Variants in PYROXD2 observed in about 807,000 individuals in gnomAD.
PYROXD2 encodes pyridine nucleotide-disulphide oxidoreductase domain 2, also known as pyridine nucleotide-disulfide oxidoreductase domain-containing protein 2.
A neutral mutation model predicts 71.1 loss-of-function variants in PYROXD2; 69 were observed. The observed-to-expected ratio is 0.97, with a 90% CI of 0.80 to 1.19. The LOEUF is 1.19. Among genes scored for constraint, PYROXD2 ranks in the 50% most tolerant of loss-of-function variants. The pLI is 0.00. For missense variants in PYROXD2, 745 were observed against 748.9 expected (o/e 0.99, Z 0.06); for synonymous variants, 287 against 302.7 (o/e 0.95, Z 0.54).
chr10:98,402,036 A>G (rs948706726), intron 4 of PYROXD2, among the ~76,000 whole-genome samples: 2 of 152,202 alleles, frequency 1.3e-5, no homozygotes, highest in African/African-American at 4.8e-5. Context: ...CTTTTTGACA[A>G]CTGGCCACAC....
rs1276500885 is a variant in PYROXD2 at position 98,395,499 on chromosome 10, A to G, written c.626-47T>C. 2.6e-6 allele frequency: 4 copies of G among 1,547,966 alleles called. No individual in the cohort carries two copies. The East Asian group carries it at 9.0e-5, about 35-fold the overall frequency. ...ACAGAAGTTGAAACAGGTGACAGGGAAACCCTCCGACCTGGCCTGGGGGAT... is the reference window on the plus strand; with the variant it reads ...ACAGAAGTTGAAACAGGTGACAGGGGAACCCTCCGACCTGGCCTGGGGGAT... On this transcript the variant is annotated intron_variant, in intron 6 of 15. Transcript: ENST00000370575.
chr10:98,387,624 GTTTTTTTTTTT>G (rs550769911), intron 13 of PYROXD2, among the ~76,000 whole-genome samples: 7,170 of 112,956 alleles, frequency 0.063, 200 homozygotes, highest in East Asian at 0.14. Context: ...TTCTCAAGCT[GTTTTTTTTTTT>G]TTTTTTTTTT....
chr10:98,407,749 T>G (rs1843654059), intron 3 of PYROXD2, 94 bp from the exon 4 acceptor site: 1 of 1,261,520 alleles, frequency 7.9e-7, no homozygotes, highest in African/African-American at 2.5e-5. Context: ...TCACCAGGGG[T>G]CAGCAGGGAT....
At chr10:98,402,112 C>T (rs1214968835) in intron 4 of PYROXD2, among the ~76,000 whole-genome samples, 6 of 152,106 alleles carry the variant, frequency 3.9e-5, no homozygotes, top group Non-Finnish European at 1.5e-5. Context: ...CGCTAGGGGA[C>T]GGGAATTTTT....
intron 8 of PYROXD2, among the ~76,000 whole-genome samples, chr10:98,394,161 T>G (rs189654296): frequency 6.6e-6 from 1 of 152,264 alleles, no homozygotes; most frequent in Non-Finnish European, 1.5e-5. Flanking sequence ...CACTACCGTA[T>G]CCCCAGCACC....
chr10:98,392,282 C>T (rs145739789), intron 10 of PYROXD2, 150 bp downstream of exon 10: 8 of 1,308,224 alleles, frequency 6.1e-6, no homozygotes, highest in African/African-American at 5.9e-5. Context: ...TCCCCGTTTG[C>T]TACCTGCCCT....
Position 98,388,376 on chromosome 10 carries a change from C to T in PYROXD2, c.1425G>A (p.Glu475=), listed in dbSNP as rs764112886. 6 of 1,613,862 alleles carry T rather than the reference C, an allele frequency of 3.7e-6. No homozygotes were observed. Among genetic ancestry groups the T allele is most frequent in the Admixed American group, 3.3e-5 (2 of 59,996 alleles). Residue 475 remains glutamate, a synonymous_variant, in exon 13 of 16, where the codon GAG becomes GAA. Coordinates refer to ENST00000370575, the MANE Select transcript of PYROXD2 (RefSeq NM_032709.3). ...TACCTCTGTCTGCATAAGCGTCTCTCTCCTGCTCGTCCCAGGCCTTGCCTC... is the reference window on the plus strand; with the variant it reads ...TACCTCTGTCTGCATAAGCGTCTCTTTCCTGCTCGTCCCAGGCCTTGCCTC... The part of the protein sequence containing the change: ...LAGGKAWDEQ[E]RDAYADRVFD...
rs780517837 is a variant in PYROXD2 at position 98,388,385 on chromosome 10, G to A, written c.1416C>T (p.Asp472=). 8.7e-6 allele frequency: 14 copies of A among 1,613,778 alleles called. No individual in the cohort carries two copies. The highest frequency in any genetic ancestry group is 2.2e-5 in the South Asian group (2 of 90,988). ...PYTLAGGKAW[D]EQERDAYADR... ...CTGCATAAGCGTCTCTCTCCTGCTC[G>A]TCCCAGGCCTTGCCTCCAGCCAGCG... Residue 472 remains aspartate, a synonymous_variant, in exon 13 of 16, where the codon GAC becomes GAT. Transcript: ENST00000370575.
chr10:98,408,636 T>C (rs1203450780), intron 2 of PYROXD2, among the ~76,000 whole-genome samples: 1 of 152,228 alleles, frequency 6.6e-6, no homozygotes, highest in Non-Finnish European at 1.5e-5. Context: ...CAGAGCTTTA[T>C]TTTGGGAGAA....
intron 4 of PYROXD2, among the ~76,000 whole-genome samples, chr10:98,404,052 G>A (rs1843511763): frequency 6.6e-6 from 1 of 152,172 alleles, no homozygotes; most frequent in Non-Finnish European, 1.5e-5. Flanking sequence ...ATTCTTAATG[G>A]TGTTAAATCA....
intron 5 of PYROXD2, among the ~76,000 whole-genome samples, chr10:98,397,703 G>A (rs924329019): frequency 2.0e-5 from 3 of 152,102 alleles, no homozygotes; most frequent in African/African-American, 7.2e-5. Context: ...GTGGGGTGGT[G>A]GTGGTCAGGA....
intron 2 of PYROXD2, among the ~76,000 whole-genome samples, chr10:98,410,002 C>T (rs1033688485): frequency 1.3e-5 from 2 of 151,956 alleles, no homozygotes; most frequent in African/African-American, 2.4e-5. Context: ...TGCTTGAACC[C>T]GGGAAGTAGA....
chr10:98,408,493 G>A (rs1188631905), intron 2 of PYROXD2, among the ~76,000 whole-genome samples: 1 of 152,184 alleles, frequency 6.6e-6, no homozygotes, highest in Non-Finnish European at 1.5e-5. Context: ...ATGCAAAAGT[G>A]GGGCTGATGA....
intron 8 of PYROXD2, among the ~76,000 whole-genome samples, chr10:98,393,573 C>G (rs913193513): frequency 5.6e-4 from 86 of 152,280 alleles, no homozygotes; most frequent in African/African-American, 2.0e-3. Flanking sequence ...AAAGCAACAC[C>G]AACTCAGCCT....
At chr10:98,413,610 A>G (rs1383155662) in intron 1 of PYROXD2, among the ~76,000 whole-genome samples, 1 of 152,164 alleles carries the variant, frequency 6.6e-6, no homozygotes, top group African/African-American at 2.4e-5. Context: ...GCTACTCGGG[A>G]GGCTGAGGCA....
At chr10:98,392,045 G>A (rs1417767805) in intron 10 of PYROXD2, among the ~76,000 whole-genome samples, 1 of 152,138 alleles carries the variant, frequency 6.6e-6, no homozygotes, top group African/African-American at 2.4e-5. Context: ...CAGAAGTATT[G>A]TGGCTCTTTG....
chr10:98,390,898 G>A, intron 11 of PYROXD2, 112 bp downstream of exon 11: 1 of 1,352,854 alleles, frequency 7.4e-7, no homozygotes, highest in Non-Finnish European at 1.1e-6. Flanking sequence ...GGGGGACACA[G>A]GCTGGAGGTC....
At chr10:98,391,219 C>T in intron 10 of PYROXD2, 137 bp from the exon 11 acceptor site, 2 of 663,194 alleles carry the variant, frequency 3.0e-6, no homozygotes, top group South Asian at 3.4e-5. Flanking sequence ...GCCAAAACCA[C>T]CTCCCCTGTG....
intron 4 of PYROXD2, among the ~76,000 whole-genome samples, chr10:98,406,048 A>G (rs773310865): frequency 2.6e-5 from 4 of 152,230 alleles, no homozygotes; most frequent in Non-Finnish European, 4.4e-5. Flanking sequence ...CCTCCTGTCA[A>G]TGCCCTCCAG....
Sources: gnomAD v4.1 joint callset for allele counts (sites outside exome capture counted in the v4.1 genomes callset) on GRCh38, gnomAD v4.1.1 for gene constraint, MANE v1.5 for transcripts, NCBI Gene and HGNC (gene_info 2026-07-23, HGNC 2026-07-21) for gene names.